Variants in SCN8A observed in about 807,000 individuals in gnomAD.
SCN8A encodes the protein sodium channel protein type 8 subunit alpha.
Under a neutral mutation model 184.1 loss-of-function variants are expected in SCN8A, and 30 were observed. That is an observed-to-expected ratio of 0.16 (90% confidence interval 0.12 to 0.22). The LOEUF is 0.22. Among genes scored for constraint, SCN8A ranks in the 10% least tolerant of loss-of-function variants. The pLI, the probability that SCN8A is intolerant of heterozygous loss-of-function variation, is 1.00. For missense variants in SCN8A, 1,057 were observed against 2,498.9 expected, an observed-to-expected ratio of 0.42 and a Z score of 12.30; for synonymous variants, 852 against 907.0, an observed-to-expected ratio of 0.94 and a Z score of 1.09.
At chr12:51,794,748 G>C in intron 26 of SCN8A, 107 bp downstream of exon 26, 1 of 1,102,844 alleles carries the variant, frequency 9.1e-7, no homozygotes, top group South Asian at 1.5e-5. Flanking sequence ...GTGCAGGCAA[G>C]ATACCCTCAT....
At chr12:51,770,211 C>T in intron 18 of SCN8A, 1 of 585,578 alleles carries the variant, frequency 1.7e-6, no homozygotes, top group Non-Finnish European at 3.0e-6. Flanking sequence ...TTTCTCTTGG[C>T]ATCAGCCCAA....
Position 51,794,586 on chromosome 12 carries a change from C to T in SCN8A, c.4740C>T (p.Tyr1580=), listed in dbSNP as rs1938355601. ...VLKMFALRHY[Y]FTIGWNIFDF... is the part of the protein sequence containing the mutation. Reference sequence around the variant, plus strand: ...AAATGTTTGCGTTGAGGCACTACTACTTCACCATTGGCTGGAACATCTTCG... The same window carrying T: ...AAATGTTTGCGTTGAGGCACTACTATTTCACCATTGGCTGGAACATCTTCG... The change falls in exon 26 of 27, where the codon TAC becomes TAT. Residue 1580 remains tyrosine, a synonymous_variant. Transcript: ENST00000627620. The T allele has an allele frequency of 1.2e-6, 2 of 1,613,910 alleles. No individual in the cohort carries two copies. The highest frequency in any genetic ancestry group is 3.3e-5 in the Admixed American group (2 of 60,002).
intron 1 of SCN8A, among the ~76,000 whole-genome samples, chr12:51,612,991 A>G (rs7306477): frequency 0.24 from 36,372 of 152,020 alleles, 5,833 homozygotes; most frequent in African/African-American, 0.44. Context: ...CAAAGTGCTG[A>G]AATTATAGGT....
At chr12:51,712,746 C>G (rs1941900918) in intron 11 of SCN8A, 5 of 1,129,808 alleles carry the variant, frequency 4.4e-6, no homozygotes, top group Non-Finnish European at 5.3e-6. Context: ...CACCATAGCC[C>G]CCTCTACTAC....
intron 5 of SCN8A, 115 bp from the exon 6 acceptor site, chr12:51,688,890 C>A: frequency 6.4e-7 from 1 of 1,565,610 alleles, no homozygotes; most frequent in South Asian, 1.1e-5. Context: ...TGGGATAGGG[C>A]CCTGACGTGA....
chr12:51,682,497 A>G (rs1224721900), intron 2 of SCN8A, among the ~76,000 whole-genome samples: 1 of 152,178 alleles, frequency 6.6e-6, no homozygotes, highest in Admixed American at 6.5e-5. Flanking sequence ...GAACAATCCC[A>G]TGTGAGAGAG....
chr12:51,654,066 G>A (rs1391968632), intron 1 of SCN8A, among the ~76,000 whole-genome samples: 1 of 152,038 alleles, frequency 6.6e-6, no homozygotes, highest in Non-Finnish European at 1.5e-5. Flanking sequence ...TTGAGTTTTA[G>A]GAGTTCTTTA....
intron 1 of SCN8A, among the ~76,000 whole-genome samples, chr12:51,641,598 T>C (rs996291338): frequency 6.6e-6 from 1 of 152,184 alleles, no homozygotes; most frequent in Non-Finnish European, 1.5e-5. Flanking sequence ...ATTAACAAAA[T>C]TGGGATGTAT....
intron 12 of SCN8A, among the ~76,000 whole-genome samples, chr12:51,738,811 C>A (rs547815336): frequency 6.6e-6 from 1 of 152,318 alleles, no homozygotes; most frequent in South Asian, 2.1e-4. Flanking sequence ...TGGCAAGGGT[C>A]CACAGACTCC....
rs78276693 is a variant in SCN8A, at chr12:51,600,562, A to C, written c.-55+9203A>C. On this transcript the variant is annotated intron_variant, in intron 1 of 26. Coordinates refer to ENST00000627620, the MANE Select transcript of SCN8A (RefSeq NM_001330260.2). ...ATGAAAAATGTCAGACTTGACTTGC[A>C]TGATCTTCTTGGTATAGCTGGGGTA... is the stretch of plus-strand genomic sequence containing the variant. 7.9e-3 allele frequency among the ~76,000 whole-genome samples: 1,207 copies of C among 152,328 alleles called. 11 individuals are homozygous for C. Among genetic ancestry groups the C allele is most frequent in the African/African-American group, 0.027 (1,118 of 41,570 alleles).
intron 1 of SCN8A, among the ~76,000 whole-genome samples, chr12:51,607,661 T>C (rs754510823): frequency 6.6e-6 from 1 of 152,224 alleles, no homozygotes; most frequent in African/African-American, 2.4e-5. Context: ...TGTCGAATGC[T>C]TTTTCTGCAT....
intron 11 of SCN8A, among the ~76,000 whole-genome samples, chr12:51,720,551 A>T (rs532518111): frequency 1.1e-4 from 17 of 152,188 alleles, no homozygotes; most frequent in African/African-American, 4.1e-4. Flanking sequence ...ACATGTATAC[A>T]TATGTAACAA....
At chr12:51,704,018 G>A (rs1386279281) in intron 9 of SCN8A, among the ~76,000 whole-genome samples, 5 of 151,798 alleles carry the variant, frequency 3.3e-5, no homozygotes, top group Admixed American at 1.3e-4. Context: ...TCAGCCTCCC[G>A]AGTAGCTGGG....
At chr12:51,701,236 T>G (rs1941682182) in intron 8 of SCN8A, 29 bp downstream of exon 8, 1 of 1,463,622 alleles carries the variant, frequency 6.8e-7, no homozygotes, top group African/African-American at 1.4e-5. Context: ...TTTATTCTCT[T>G]TCCTTAAAAT....
chr12:51,790,096 A>T (rs562979812), intron 24 of SCN8A, among the ~76,000 whole-genome samples: 1 of 152,230 alleles, frequency 6.6e-6, no homozygotes, highest in Non-Finnish European at 1.5e-5. Flanking sequence ...TGAGACTCTG[A>T]GATATGACTG....
At chr12:51,720,461 T>TGGGG (rs1942034597) in intron 11 of SCN8A, among the ~76,000 whole-genome samples, 1 of 56,724 alleles carries the variant, frequency 1.8e-5, no homozygotes, top group Non-Finnish European at 3.2e-5. Flanking sequence ...GACATAGGGT[T>TGGGG]GGGGGAGGGG....
intron 1 of SCN8A, among the ~76,000 whole-genome samples, chr12:51,632,149 T>G (rs756033038): frequency 3.3e-5 from 5 of 152,242 alleles, no homozygotes; most frequent in African/African-American, 9.6e-5. Context: ...TAGCCTCCAC[T>G]GATAAGGAAG....
intron 1 of SCN8A, among the ~76,000 whole-genome samples, chr12:51,598,609 A>C (rs1347468512): frequency 6.6e-6 from 1 of 152,148 alleles, no homozygotes; most frequent in African/African-American, 2.4e-5. Context: ...TTTCTCTTCC[A>C]TTGTCTTGAA....
chr12:51,718,897 A>C (rs973395743), intron 11 of SCN8A, among the ~76,000 whole-genome samples: 1 of 152,220 alleles, frequency 6.6e-6, no homozygotes, highest in Non-Finnish European at 1.5e-5. Context: ...AAATCAAGAA[A>C]GGGAATGTGT....
Sources: allele counts gnomAD v4.1 joint callset (sites outside exome capture counted in the v4.1 genomes callset), GRCh38; gene constraint gnomAD v4.1.1; transcripts MANE v1.5; gene names NCBI Gene and HGNC (gene_info 2026-07-23, HGNC 2026-07-21).